METTL24: variants seen among roughly 807,000 people sequenced by gnomAD.
METTL24 encodes probable methyltransferase-like protein 24.
METTL24 carries 29 observed loss-of-function variants against 32.7 expected under a neutral mutation model. The observed-to-expected ratio is 0.89, with a 90% CI of 0.66 to 1.21. The LOEUF is 1.21. Ranked by LOEUF, METTL24 falls within the 50% of genes most tolerant of loss-of-function variation. The pLI, the probability that METTL24 is intolerant of heterozygous loss-of-function variation, is 0.00. For synonymous variants in METTL24, 163 were observed against 179.5 expected (o/e 0.91, Z 0.73); for missense variants, 439 against 468.1 (o/e 0.94, Z 0.57).
At chr6:110,302,015 C>A (rs1371490399) in intron 3 of METTL24, among the ~76,000 whole-genome samples, 1 of 152,122 alleles carries the variant, frequency 6.6e-6, no homozygotes, top group African/African-American at 2.4e-5. Context: ...GTGGCTCACA[C>A]CTGTAATCCC....
In METTL24 at chr6:110,298,910, G is replaced by GA. The variant is rs1294999449; in HGVS notation, c.786+11dup. 3 of 1,611,266 alleles carry GA rather than the reference G, an allele frequency of 1.9e-6. No individual in the cohort carries two copies. Among genetic ancestry groups the GA allele is most frequent in the Non-Finnish European group, 2.5e-6 (3 of 1,177,800 alleles). ...ACTTTATTCAAGTATAAAATCAAAT[G>GA]AAAAACCTCACCTTGTGATGTCCAA... On this transcript the variant is annotated intron_variant, in intron 4 of 4. Coordinates refer to ENST00000338882, the MANE Select transcript of METTL24 (RefSeq NM_001123364.3).
At position 110,333,724 on chromosome 6, in the gene METTL24, A is replaced by G. The variant is rs181513914; in HGVS notation, c.319-10852T>C. Among the ~76,000 whole-genome samples the G allele has an allele frequency of 7.4e-3, 1,125 of 152,282 alleles. 7 individuals carry two copies. Among genetic ancestry groups the G allele is most frequent in the Middle Eastern group, 0.024 (7 of 294 alleles). The stretch of plus-strand genomic sequence containing the variant: ...CCCAAAGTTCTGGGATTACAGGCGT[A>G]AGCCACCACGCCCAGCCTTGATTTT... On this transcript the variant is annotated intron_variant, in intron 1 of 4. Transcript: ENST00000338882.
At chr6:110,266,886 A>G (rs766179580) in intron 4 of METTL24, among the ~76,000 whole-genome samples, 1 of 152,172 alleles carries the variant, frequency 6.6e-6, no homozygotes, top group Non-Finnish European at 1.5e-5. Context: ...AAACAAAAAC[A>G]TCCTTAGTCT....
chr6:110,302,664 TAC>T (rs1418454253), intron 3 of METTL24, among the ~76,000 whole-genome samples: 1 of 140,830 alleles, frequency 7.1e-6, no homozygotes, highest in African/African-American at 3.0e-5. Context: ...TATACACATA[TAC>T]ACACACATAC....
intron 3 of METTL24, among the ~76,000 whole-genome samples, chr6:110,307,504 T>C (rs1771646497): frequency 6.6e-6 from 1 of 152,198 alleles, no homozygotes; most frequent in Admixed American, 6.5e-5. Flanking sequence ...ACTAGTCCAT[T>C]TTTTGCCAAT....
intron 1 of METTL24, among the ~76,000 whole-genome samples, chr6:110,324,795 C>A (rs763936124): frequency 1.3e-5 from 2 of 152,070 alleles, no homozygotes; most frequent in Admixed American, 6.6e-5. Flanking sequence ...TCTCTGAATT[C>A]GATGTTGATT....
intron 3 of METTL24, among the ~76,000 whole-genome samples, chr6:110,306,191 G>T (rs1210358842): frequency 6.6e-6 from 1 of 151,942 alleles, no homozygotes; most frequent in Non-Finnish European, 1.5e-5. Context: ...AGCATTAGGA[G>T]AAATACCTAA....
intron 1 of METTL24, among the ~76,000 whole-genome samples, chr6:110,340,268 G>A (rs1230158935): frequency 6.6e-6 from 1 of 152,078 alleles, no homozygotes; most frequent in Non-Finnish European, 1.5e-5. Flanking sequence ...CTGACTCTAG[G>A]GGCTGTTGTC....
chr6:110,311,346 C>G (rs1222265416), intron 3 of METTL24, among the ~76,000 whole-genome samples: 3 of 151,884 alleles, frequency 2.0e-5, no homozygotes, highest in Non-Finnish European at 4.4e-5. Flanking sequence ...TTTCAGTTTT[C>G]AATTAAGTGC....
chr6:110,294,777 C>T (rs952687461), intron 4 of METTL24, among the ~76,000 whole-genome samples: 1 of 151,854 alleles, frequency 6.6e-6, no homozygotes, highest in African/African-American at 2.4e-5. Flanking sequence ...TCAGATAAAA[C>T]AAAATTTAAG....
At chr6:110,333,504 A>T (rs115064162) in intron 1 of METTL24, among the ~76,000 whole-genome samples, 3 of 152,162 alleles carry the variant, frequency 2.0e-5, no homozygotes, top group Admixed American at 1.3e-4. Context: ...CTCAGGCTAG[A>T]GTGCAGTGAC....
chr6:110,345,249 A>C (rs1562244538), intron 1 of METTL24, among the ~76,000 whole-genome samples: 1 of 152,208 alleles, frequency 6.6e-6, no homozygotes, highest in Non-Finnish European at 1.5e-5. Flanking sequence ...ACCAGTAAGA[A>C]GGCTATTATT....
At position 110,246,158 on chromosome 6, in the gene METTL24, T is replaced by C; in HGVS notation, c.889A>G (p.Ile297Val). The change falls in exon 5 of 5, where the codon ATC (isoleucine) becomes GTC (valine). Residue 297 changes from isoleucine (I) to valine (V), a missense_variant. Ile to Val is a conservative substitution (Grantham distance 29). Transcript: ENST00000338882. ...TCAAACCCAGGCCAGTGGAGATGGA[T>C]CTCAAAGATGAGCTGTCCAATCTGC... ...LEQIGQLIFE[I>V]HLHWPGFEVS... The C allele has an allele frequency of 6.2e-7, 1 of 1,614,182 alleles. No homozygotes were observed.
chr6:110,248,736 A>G (rs1778218368), intron 4 of METTL24, among the ~76,000 whole-genome samples: 1 of 151,914 alleles, frequency 6.6e-6, no homozygotes, highest in African/African-American at 2.4e-5. Context: ...CTTGGACAAT[A>G]TAGTGAGACC....
chr6:110,286,243 T>C (rs1034498723), intron 4 of METTL24, among the ~76,000 whole-genome samples: 64 of 151,852 alleles, frequency 4.2e-4, no homozygotes, highest in African/African-American at 1.5e-3. Context: ...CAAAAGAGGG[T>C]GCGGGATTTG....
At position 110,315,472 on chromosome 6, in the gene METTL24, T is replaced by C. The variant is rs1435567310; in HGVS notation, c.427A>G (p.Asn143Asp). The C allele has an allele frequency of 6.2e-7, 1 of 1,613,860 alleles. No homozygotes were observed. Among genetic ancestry groups the C allele is most frequent in the Non-Finnish European group, 8.5e-7 (1 of 1,179,986 alleles). The stretch of plus-strand genomic sequence containing the variant: ...GCCAGGCTGTCTGTATTCATGTGAT[T>C]GCATGCAATCTGTAAAGATTGGAAA... ...RYISTTQIAC[N>D]HMNTDSLATD... is the part of the protein sequence containing the mutation. Residue 143 changes from asparagine to aspartate, a missense_variant, in exon 3 of 5, where the codon AAT becomes GAT. Transcript: ENST00000338882.
intron 1 of METTL24, among the ~76,000 whole-genome samples, chr6:110,333,732 A>G (rs1476315974): frequency 6.6e-6 from 1 of 152,142 alleles, no homozygotes; most frequent in Non-Finnish European, 1.5e-5. Context: ...GTAAGCCACC[A>G]CGCCCAGCCT....
At chr6:110,251,096 G>A (rs1386474486) in intron 4 of METTL24, among the ~76,000 whole-genome samples, 2 of 152,286 alleles carry the variant, frequency 1.3e-5, no homozygotes, top group East Asian at 1.9e-4. Flanking sequence ...CATTCCATTG[G>A]TCAAGCAAAT....
chr6:110,254,819 A>G (rs1015608141), intron 4 of METTL24, among the ~76,000 whole-genome samples: 1 of 152,222 alleles, frequency 6.6e-6, no homozygotes, highest in African/African-American at 2.4e-5. Flanking sequence ...AAAAGTTGTT[A>G]TTTAATGATA....
Sources: allele counts gnomAD v4.1 joint callset (sites outside exome capture counted in the v4.1 genomes callset), GRCh38; gene constraint gnomAD v4.1.1; transcripts MANE v1.5; gene names NCBI Gene and HGNC (gene_info 2026-07-23, HGNC 2026-07-21).